Variants in CAMK2B observed in about 807,000 individuals in gnomAD.
CAMK2B encodes calcium/calmodulin-dependent protein kinase type II subunit beta.
In CAMK2B, 27 loss-of-function variants were observed where a neutral mutation model predicts 93.7. The observed-to-expected ratio is 0.29, with a 90% CI of 0.21 to 0.40. CAMK2B has a LOEUF of 0.40. CAMK2B is among the 10% of genes least tolerant of loss of function. The pLI is 1.00. For missense variants in CAMK2B, 568 were observed against 895.8 expected (o/e 0.63, Z 4.67); for synonymous variants, 374 against 358.8 (o/e 1.04, Z -0.48).
rs981908455 is a variant in CAMK2B, at chr7:44,281,426, C to T, written c.160+2705G>A. Among the ~76,000 whole-genome samples, 6 of 152,284 alleles carry T rather than the reference C, an allele frequency of 3.9e-5. No homozygotes were observed. In the East Asian group the frequency reaches 7.7e-4, roughly 20 times the overall value. ...GCCAGCAGCAGTCCCTGGGTGGTCA[C>T]GGAGAAAATCTGGCCACCGCAGATG... On this transcript the variant is annotated intron_variant, in intron 2 of 23. Coordinates refer to ENST00000395749, the MANE Select transcript of CAMK2B (RefSeq NM_001220.5).
intron 2 of CAMK2B, among the ~76,000 whole-genome samples, chr7:44,272,097 C>T (rs913058945): frequency 9.9e-5 from 15 of 150,816 alleles, no homozygotes; most frequent in Admixed American, 1.3e-4. Flanking sequence ...ATTTTCTTTC[C>T]GGCGGGACTT....
At chr7:44,303,668 A>G (rs1388595426) in intron 1 of CAMK2B, among the ~76,000 whole-genome samples, 2 of 152,242 alleles carry the variant, frequency 1.3e-5, no homozygotes. Context: ...AACATAGAAA[A>G]TCTGGATGAC....
Position 44,325,393 on chromosome 7 carries a change from A to G in CAMK2B, c.29T>C (p.Phe10Ser). 8.2e-7 allele frequency: 1 copy of G among 1,224,080 alleles called. No individual in the cohort carries two copies. The highest frequency in any genetic ancestry group is 1.0e-6 in the Non-Finnish European group (1 of 954,492). 75.8% of individuals were successfully genotyped at this position (1,224,080 alleles called of 1,614,324 possible). ...CTCGTAGAGCTGGTACTCGTCGGTG[A>G]AGCGGGTGCAGGTCACCGTGGTGGC... is the stretch of plus-strand genomic sequence containing the variant. MATTVTCTR[F>S]TDEYQLYEDI... Residue 10 changes from phenylalanine to serine, a missense_variant, in exon 1 of 24, where the codon TTC (phenylalanine) becomes TCC (serine). Transcript: ENST00000395749.
At position 44,228,887 on chromosome 7, in the gene CAMK2B, C is replaced by T. The variant is rs1358558264; in HGVS notation, c.1377G>A (p.Arg459=). The change falls in exon 19 of 24, where the codon AGG becomes AGA. Residue 459 remains arginine (R), a synonymous_variant. Transcript: ENST00000395749. ...CCTCGGCTTCTGGGGTTCCTGAACCCCTTCTCACAGAGTTCAGGATGTCAG... is the reference window on the plus strand; with the variant it reads ...CCTCGGCTTCTGGGGTTCCTGAACCTCTTCTCACAGAGTTCAGGATGTCAG... ...RISDILNSVR[R]GSGTPEAEGP... The T allele has an allele frequency of 6.2e-7, 1 of 1,602,784 alleles. No homozygotes were observed. The highest frequency in any genetic ancestry group is 8.5e-7 in the Non-Finnish European group (1 of 1,173,730).
At chr7:44,232,677 A>G (rs752925268) in intron 16 of CAMK2B, 145 bp downstream of exon 16, 10 of 768,958 alleles carry the variant, frequency 1.3e-5, no homozygotes, top group African/African-American at 3.5e-5. Flanking sequence ...ACGAAGACGG[A>G]CTGGGGCCCT....
At chr7:44,294,771 G>T (rs1054552076) in intron 1 of CAMK2B, among the ~76,000 whole-genome samples, 5 of 152,260 alleles carry the variant, frequency 3.3e-5, no homozygotes, top group Non-Finnish European at 5.9e-5. Flanking sequence ...AATTCTATGG[G>T]GGTGCTGGCC....
At chr7:44,233,601 TGAGGGGACACAGCA>T (rs1438184778) in intron 15 of CAMK2B, among the ~76,000 whole-genome samples, 1 of 152,092 alleles carries the variant, frequency 6.6e-6, no homozygotes, top group Non-Finnish European at 1.5e-5. Flanking sequence ...TTAGGACAGC[TGAGGGGACACAGCA>T]CAGCGCCCCA....
At chr7:44,291,205 G>A (rs1384058597) in intron 1 of CAMK2B, among the ~76,000 whole-genome samples, 1 of 152,124 alleles carries the variant, frequency 6.6e-6, no homozygotes, top group Non-Finnish European at 1.5e-5. Flanking sequence ...CTGGCCCTGG[G>A]GTTCCGCCAA....
In CAMK2B at chr7:44,311,926, T is replaced by A. The variant is rs1793672059; in HGVS notation, c.65+13431A>T. On this transcript the variant is annotated intron_variant, in intron 1 of 23. Transcript: ENST00000395749. This position sits in a 1 kb window ranked among gnomAD's most constrained non-coding sequence, Gnocchi z 4.2. ...GAGGTGACCCTTCTCCTGCCCAGGGTCATACAACGGGGCCCAAATGAGGCA... is the reference window on the plus strand; with the variant it reads ...GAGGTGACCCTTCTCCTGCCCAGGGACATACAACGGGGCCCAAATGAGGCA... 6.6e-6 allele frequency among the ~76,000 whole-genome samples: 1 copy of A among 151,966 alleles called. No homozygotes were observed. Among genetic ancestry groups the A allele is most frequent in the African/African-American group, 2.4e-5 (1 of 41,352 alleles).
Position 44,286,967 on chromosome 7 carries a change from G to T in CAMK2B, c.66-2742C>A, listed in dbSNP as rs924231252. Among the ~76,000 whole-genome samples, 3 of 152,194 alleles carry T rather than the reference G, an allele frequency of 2.0e-5. No homozygotes were observed. The highest frequency in any genetic ancestry group is 4.4e-5 in the Non-Finnish European group (3 of 68,026). On this transcript the variant is annotated intron_variant, in intron 1 of 23. Coordinates refer to ENST00000395749, the MANE Select transcript of CAMK2B (RefSeq NM_001220.5). This position sits in a 1 kb window ranked among gnomAD's most constrained non-coding sequence, Gnocchi z 4.0. ...TCAGCAGGAAGGGACCAGGGGTGCA[G>T]GGACCAGGGGTGCAGGGCCCGGGGG...
At position 44,286,134 on chromosome 7, in the gene CAMK2B, T is replaced by C. The variant is rs1211994274; in HGVS notation, c.66-1909A>G. 2.0e-5 allele frequency among the ~76,000 whole-genome samples: 3 copies of C among 152,082 alleles called. No individual in the cohort carries two copies. In the East Asian group the frequency reaches 5.8e-4, roughly 29 times the overall value. On this transcript the variant is annotated intron_variant, in intron 1 of 23. Coordinates refer to ENST00000395749, the MANE Select transcript of CAMK2B (RefSeq NM_001220.5). The surrounding 1 kb of genome is among the most constrained non-coding windows in gnomAD (Gnocchi z 4.0). ...AGCTCTCTGAGCCTCAGTTTCCCCA[T>C]CCATATGACTGAGCAGAAGAGCCTT... is the stretch of plus-strand genomic sequence containing the variant.
At chr7:44,239,531 G>A in intron 13 of CAMK2B, 58 bp downstream of exon 13, 2 of 1,438,754 alleles carry the variant, frequency 1.4e-6, no homozygotes, top group South Asian at 1.2e-5. Context: ...GCAGGGGGCT[G>A]CATGCTGGCA....
chr7:44,238,357 C>T (rs1030953623), intron 13 of CAMK2B, among the ~76,000 whole-genome samples: 2 of 152,230 alleles, frequency 1.3e-5, no homozygotes, highest in South Asian at 2.1e-4. Context: ...CACAGGGCAG[C>T]GTAGAGGCAG....
At chr7:44,321,791 C>T (rs1205178487) in intron 1 of CAMK2B, among the ~76,000 whole-genome samples, 1 of 152,162 alleles carries the variant, frequency 6.6e-6, no homozygotes, top group African/African-American at 2.4e-5. Flanking sequence ...AAATGTGAGA[C>T]CTCTTCCTAC....
intron 1 of CAMK2B, among the ~76,000 whole-genome samples, chr7:44,293,967 A>G (rs1022358905): frequency 1.3e-5 from 2 of 152,150 alleles, no homozygotes; most frequent in African/African-American, 4.8e-5. Flanking sequence ...TACAGCCGGG[A>G]CCCTCTGGGT....
intron 2 of CAMK2B, among the ~76,000 whole-genome samples, chr7:44,270,629 C>A (rs10226804): frequency 6.6e-6 from 1 of 152,146 alleles, no homozygotes; most frequent in Non-Finnish European, 1.5e-5. Context: ...AAATCCCACT[C>A]GGGGGCCTCA....
intron 7 of CAMK2B, 38 bp from the exon 8 acceptor site, chr7:44,243,371 A>G (rs374773382): frequency 6.2e-7 from 1 of 1,610,952 alleles, no homozygotes; most frequent in African/African-American, 1.3e-5. Context: ...GGCTGTCAGC[A>G]TCACCTCCTG....
intron 2 of CAMK2B, among the ~76,000 whole-genome samples, chr7:44,264,208 G>A (rs529103126): frequency 1.3e-5 from 2 of 152,290 alleles, no homozygotes; most frequent in East Asian, 1.9e-4. Context: ...CCAGGAGCAG[G>A]GAAAGAATGA....
At chr7:44,232,657 G>T (rs529537897) in intron 16 of CAMK2B, among the ~76,000 whole-genome samples, 165 bp downstream of exon 16, 4 of 152,146 alleles carry the variant, frequency 2.6e-5, no homozygotes, top group Non-Finnish European at 5.9e-5. Flanking sequence ...AGTCTGTCCT[G>T]TTGTTGCCCA....
Sources: allele counts gnomAD v4.1 joint callset (sites outside exome capture counted in the v4.1 genomes callset), GRCh38; gene constraint gnomAD v4.1.1; non-coding constraint Gnocchi (gnomAD v3.1); transcripts MANE v1.5; gene names NCBI Gene and HGNC (gene_info 2026-07-23, HGNC 2026-07-21).